The following ZHX3 variants were observed in gnomAD, a reference collection of about 807,000 sequenced individuals.
ZHX3 encodes the protein zinc fingers and homeoboxes protein 3.
In ZHX3, 20 loss-of-function variants were observed where a neutral mutation model predicts 64.5. The observed-to-expected ratio is 0.31, with a 90% CI of 0.22 to 0.45. The LOEUF (loss-of-function observed/expected upper bound fraction) is 0.45, where lower values mean the gene tolerates loss of function less well. Ranked by LOEUF, ZHX3 falls within the 20% of genes least tolerant of loss-of-function variation. The probability of loss-of-function intolerance (pLI) is 1.00; values close to 1 mark genes in which losing one functional copy is unlikely to be tolerated. For missense variants in ZHX3, 1,041 were observed against 1,195.8 expected (o/e 0.87, Z 1.91); for synonymous variants, 423 against 461.6 (o/e 0.92, Z 1.07).
rs897567101 is a variant in ZHX3 at position 41,185,603 on chromosome 20, T to C, written c.2861-402A>G. ...TCCAGAACATACTGTTCCAATATAATAGCAGCTGGGTCTAGTTCTGATATG... is the reference window on the plus strand; with the variant it reads ...TCCAGAACATACTGTTCCAATATAACAGCAGCTGGGTCTAGTTCTGATATG... On this transcript the variant is annotated intron_variant, in intron 3 of 3. Coordinates refer to ENST00000683867, the MANE Select transcript of ZHX3 (RefSeq NM_001384317.1). This position sits in a 1 kb window ranked among gnomAD's most constrained non-coding sequence, Gnocchi z 5.0. The C allele has an allele frequency of 2.1e-5, 6 of 281,944 alleles. No individual in the cohort carries two copies. The highest frequency in any genetic ancestry group is 4.3e-5 in the African/African-American group (2 of 45,978). 17.5% of individuals were successfully genotyped at this position (281,944 alleles called of 1,614,324 possible). A position where few individuals can be genotyped will look rare whatever the true frequency, so the allele number is the denominator to read the frequency against.
chr20:41,250,809 A>T (rs781133122), intron 2 of ZHX3, among the ~76,000 whole-genome samples: 1 of 152,094 alleles, frequency 6.6e-6, no homozygotes, highest in African/African-American at 2.4e-5. Flanking sequence ...ACAACATACT[A>T]CCTATAAGGG....
intron 1 of ZHX3, among the ~76,000 whole-genome samples, chr20:41,272,501 T>G (rs2043192334): frequency 6.6e-6 from 1 of 152,154 alleles, no homozygotes; most frequent in Non-Finnish European, 1.5e-5. Context: ...AAATGAACCT[T>G]GTACTCATTA....
At chr20:41,194,361 A>C (rs141227740) in intron 3 of ZHX3, among the ~76,000 whole-genome samples, 82 of 152,196 alleles carry the variant, frequency 5.4e-4, no homozygotes, top group Middle Eastern at 6.8e-3. Flanking sequence ...TTATTCTTGT[A>C]ATGTGGTGAA....
rs1446276998 is a variant in ZHX3, at chr20:41,203,649, C to T, written c.1268G>A (p.Gly423Glu). The change falls in exon 3 of 4, where the codon GGG (glycine) becomes GAG (glutamate). Residue 423 changes from glycine (G) to glutamate (E), a missense_variant. This residue lies in a region of ZHX3 where 649 missense variants were observed against 739.8 expected (regional missense o/e 0.88). Coordinates refer to ENST00000683867, the MANE Select transcript of ZHX3 (RefSeq NM_001384317.1). The surrounding 1 kb of genome is among the most constrained non-coding windows in gnomAD (Gnocchi z 7.1). ...CAATGGCTGAGTGACCAGAAGTCCCCCTCCTGTACCCTCTGGCTGCCCCAC... is the reference window on the plus strand; with the variant it reads ...CAATGGCTGAGTGACCAGAAGTCCCTCTCCTGTACCCTCTGGCTGCCCCAC... The part of the protein sequence containing the change: ...HVVGQPEGTG[G>E]GLLVTQPLMA... 1 of 1,614,180 alleles carries T rather than the reference C, an allele frequency of 6.2e-7. No individual in the cohort carries two copies. The highest frequency in any genetic ancestry group is 8.5e-7 in the Non-Finnish European group (1 of 1,180,016).
At chr20:41,305,492 A>G (rs1171661815) in intron 1 of ZHX3, among the ~76,000 whole-genome samples, 1 of 152,046 alleles carries the variant, frequency 6.6e-6, no homozygotes, top group Non-Finnish European at 1.5e-5. Context: ...GCCCTGTCTC[A>G]AAAACCAACC....
At chr20:41,269,934 A>G (rs536193517) in intron 1 of ZHX3, among the ~76,000 whole-genome samples, 8 of 152,060 alleles carry the variant, frequency 5.3e-5, no homozygotes, top group African/African-American at 1.9e-4. Flanking sequence ...TAACACCAGC[A>G]TCTTATGTCT....
intron 3 of ZHX3, among the ~76,000 whole-genome samples, chr20:41,196,451 A>ATTT (rs1568796888): frequency 4.4e-4 from 1 of 2,294 alleles, no homozygotes; most frequent in Non-Finnish European, 7.1e-4. Flanking sequence ...TATTATATAT[A>ATTT]ATATATTTAT....
At chr20:41,191,344 T>C (rs1291099156) in intron 3 of ZHX3, among the ~76,000 whole-genome samples, 1 of 152,230 alleles carries the variant, frequency 6.6e-6, no homozygotes, top group Non-Finnish European at 1.5e-5. Flanking sequence ...CTTTGTTTCA[T>C]GAAGTCTTCT....
At chr20:41,290,486 C>A (rs537468275) in intron 1 of ZHX3, 2 of 152,244 alleles carry the variant, frequency 1.3e-5, no homozygotes, top group Non-Finnish European at 2.9e-5. Flanking sequence ...ACTGGCATAG[C>A]GTACTACAGC....
At position 41,212,835 on chromosome 20, in the gene ZHX3, AC is replaced by A. The variant is rs2039265007; in HGVS notation, c.-150-7770del. On this transcript the variant is annotated intron_variant, in intron 2 of 3. Transcript: ENST00000683867. The surrounding 1 kb of genome is among the most constrained non-coding windows in gnomAD (Gnocchi z 4.3). ...CCAAAAACAAAACAAAACAAAAAAA[AC>A]AAAACACCAGCAATTTAATTCCTAA... 6.6e-6 allele frequency among the ~76,000 whole-genome samples: 1 copy of A among 151,944 alleles called. No homozygotes were observed. Among genetic ancestry groups the A allele is most frequent in the African/African-American group, 2.4e-5 (1 of 41,378 alleles).
Position 41,202,298 on chromosome 20 carries a change from C to A in ZHX3, c.2619G>T (p.Gln873His), listed in dbSNP as rs1315686853. ...ACTGCTTGACCTGCTGGGAGCTCATCTGGGTCTTGTCACAGAGGTTCTGCA... is the reference window on the plus strand; with the variant it reads ...ACTGCTTGACCTGCTGGGAGCTCATATGGGTCTTGTCACAGAGGTTCTGCA... Reference protein sequence around the residue: ...EDLQNLCDKTQMSSQQVKQWF... With the variant: ...EDLQNLCDKTHMSSQQVKQWF... The change falls in exon 3 of 4, where the codon CAG becomes CAT. Residue 873 changes from glutamine to histidine, a missense_variant. By Grantham distance (24) the Gln-to-His change is conservative. Transcript: ENST00000683867. The surrounding 1 kb of genome is among the most constrained non-coding windows in gnomAD (Gnocchi z 7.0). The A allele has an allele frequency of 6.2e-7, 1 of 1,614,106 alleles. No homozygotes were observed. The highest frequency in any genetic ancestry group is 8.5e-7 in the Non-Finnish European group (1 of 1,180,042).
At chr20:41,260,318 G>A (rs2042495575) in intron 2 of ZHX3, among the ~76,000 whole-genome samples, 1 of 152,192 alleles carries the variant, frequency 6.6e-6, no homozygotes, top group Admixed American at 6.5e-5. Flanking sequence ...ATCTACAGAT[G>A]AGATGATTGG....
chr20:41,230,400 G>T (rs1308138629), intron 2 of ZHX3, among the ~76,000 whole-genome samples: 1 of 152,094 alleles, frequency 6.6e-6, no homozygotes, highest in African/African-American at 2.4e-5. Context: ...TAGGGAGCAG[G>T]ATATCACTGT....
rs1448119899 is a variant in ZHX3 at position 41,317,494 on chromosome 20, G to C, written c.-245+15C>G. On this transcript the variant is annotated intron_variant, in intron 1 of 3. Transcript: ENST00000683867. Reference sequence around the variant, plus strand: ...CGGGGGCACGCGGGGCCGGCTGGCCGTGGCGGGCGCTCACCTGGCAGCGGC... The same window carrying C: ...CGGGGGCACGCGGGGCCGGCTGGCCCTGGCGGGCGCTCACCTGGCAGCGGC... The C allele has an allele frequency of 2.0e-5, 3 of 150,486 alleles. No individual in the cohort carries two copies. The highest frequency in any genetic ancestry group is 4.4e-5 in the Non-Finnish European group (3 of 67,524). The allele number at this position is 150,486 out of a possible 1,614,324, so 9.3% of individuals were successfully genotyped here. A position where few individuals can be genotyped will look rare whatever the true frequency, so the allele number is the denominator to read the frequency against.
In ZHX3 at chr20:41,195,297, G is replaced by A. The variant is rs917971740; in HGVS notation, c.2860+6760C>T. On this transcript the variant is annotated intron_variant, in intron 3 of 3. Transcript: ENST00000683867. This position sits in a 1 kb window ranked among gnomAD's most constrained non-coding sequence, Gnocchi z 4.2. ...CACCTGGCTTATTTTTTACTTTTTT[G>A]TAGAGACAGGATCCCACTTTGTTAC... Among the ~76,000 whole-genome samples the A allele has an allele frequency of 3.3e-5, 5 of 152,000 alleles. No homozygotes were observed. Among genetic ancestry groups the A allele is most frequent in the African/African-American group, 1.2e-4 (5 of 41,384 alleles).
chr20:41,190,406 G>A (rs2036914659), intron 3 of ZHX3, among the ~76,000 whole-genome samples: 1 of 152,114 alleles, frequency 6.6e-6, no homozygotes, highest in Non-Finnish European at 1.5e-5. Context: ...CCTGACCTCA[G>A]GTGATCTGCC....
At chr20:41,252,779 T>C (rs779762597) in intron 2 of ZHX3, among the ~76,000 whole-genome samples, 1 of 152,198 alleles carries the variant, frequency 6.6e-6, no homozygotes, top group Non-Finnish European at 1.5e-5. Flanking sequence ...AGGTCCCCTA[T>C]TAGAGGTTTA....
At chr20:41,225,707 C>T (rs1043183068) in intron 2 of ZHX3, among the ~76,000 whole-genome samples, 14 of 152,116 alleles carry the variant, frequency 9.2e-5, no homozygotes, top group African/African-American at 3.4e-4. Context: ...AGGCTGGTCT[C>T]GAACTCCTGA....
intron 1 of ZHX3, among the ~76,000 whole-genome samples, chr20:41,299,454 AGAAAGT>A (rs1479868651): frequency 2.6e-5 from 4 of 152,258 alleles, no homozygotes; most frequent in Admixed American, 2.6e-4. Context: ...GCCACTGAGA[AGAAAGT>A]GATTCAACAT....
Sources: gnomAD v4.1 joint callset for allele counts (sites outside exome capture counted in the v4.1 genomes callset) on GRCh38, gnomAD v4.1.1 for gene constraint, gnomAD v4.1.1 regional missense constraint, Gnocchi (gnomAD v3.1) non-coding constraint, MANE v1.5 for transcripts, NCBI Gene and HGNC (gene_info 2026-07-23, HGNC 2026-07-21) for gene names.